The following GPATCH1 variants were observed in gnomAD, a reference collection of about 807,000 sequenced individuals.
GPATCH1 encodes G patch domain-containing protein 1.
Under a neutral mutation model 114.9 loss-of-function variants are expected in GPATCH1, and 73 were observed. That is an observed-to-expected ratio of 0.64 (90% CI 0.53 to 0.77). The LOEUF (loss-of-function observed/expected upper bound fraction) is 0.77. GPATCH1 is among the 30% of genes least tolerant of loss of function. GPATCH1 has a pLI of 0.00. For synonymous variants in GPATCH1, 391 were observed against 428.4 expected (o/e 0.91, Z 1.08); for missense variants, 1,058 against 1,144.3 (o/e 0.92, Z 1.09).
Position 33,096,331 on chromosome 19 carries a change from C to T in GPATCH1, c.737C>T (p.Ala246Val). 1 of 1,614,116 alleles carries T rather than the reference C, an allele frequency of 6.2e-7. No individual in the cohort carries two copies. Among genetic ancestry groups the T allele is most frequent in the South Asian group, 1.1e-5 (1 of 91,082 alleles). The change falls in exon 7 of 20, where the codon GCA (alanine) becomes GTA (valine). Residue 246 changes from alanine to valine, a missense_variant. By Grantham distance (64) the Ala-to-Val change is moderately conservative. Coordinates refer to ENST00000170564, the MANE Select transcript of GPATCH1 (RefSeq NM_018025.3). ...LAYKGLDPHQ[A>V]LFGTSGEHFN... The stretch of plus-strand genomic sequence containing the variant: ...TACAAGGGCCTGGATCCCCACCAGG[C>T]ACTGTTTGGAACTTCGGGAGAACAT...
rs1599856169 is a variant in GPATCH1 at position 33,099,629 on chromosome 19, C to T, written c.1000+1727C>T. Among the ~76,000 whole-genome samples the T allele has an allele frequency of 1.3e-5, 2 of 151,842 alleles. 1 individual carries two copies. ...ATTTTTTTTTTTTGAGACAGAGTCT[C>T]ACTCTGTCACCCAGGCTGGAGAGCA... On this transcript the variant is annotated intron_variant, in intron 8 of 19. Coordinates refer to ENST00000170564, the MANE Select transcript of GPATCH1 (RefSeq NM_018025.3).
chr19:33,129,195 C>T (rs563062016), intron 19 of GPATCH1, among the ~76,000 whole-genome samples: 2 of 151,116 alleles, frequency 1.3e-5, no homozygotes, highest in East Asian at 3.9e-4. Context: ...TGCAGTGAAC[C>T]GAGATCGCGC....
At chr19:33,082,694 A>G (rs2145295413) in intron 1 of GPATCH1, among the ~76,000 whole-genome samples, 1 of 152,284 alleles carries the variant, frequency 6.6e-6, no homozygotes, top group Admixed American at 6.5e-5. Context: ...ACAAACAAAC[A>G]AACGAAACAA....
intron 9 of GPATCH1, among the ~76,000 whole-genome samples, chr19:33,106,076 T>C (rs1410856802): frequency 1.3e-5 from 2 of 152,202 alleles, no homozygotes; most frequent in African/African-American, 2.4e-5. Flanking sequence ...CTTGAACTCC[T>C]GATCTCAGGT....
chr19:33,096,142 G>T (rs1487963505), intron 6 of GPATCH1, 65 bp from the exon 7 acceptor site: 2 of 1,531,126 alleles, frequency 1.3e-6, no homozygotes, highest in Non-Finnish European at 1.8e-6. Flanking sequence ...TTTTCAATTA[G>T]TATTTTGTGG....
intron 1 of GPATCH1, among the ~76,000 whole-genome samples, chr19:33,085,616 G>A (rs910783691): frequency 2.0e-5 from 3 of 152,172 alleles, no homozygotes; most frequent in African/African-American, 7.2e-5. Context: ...TCTCTGGCTT[G>A]GAGACAGAGC....
chr19:33,084,818 G>A (rs1284226113), intron 1 of GPATCH1, among the ~76,000 whole-genome samples: 3 of 152,078 alleles, frequency 2.0e-5, no homozygotes, highest in East Asian at 1.9e-4. Flanking sequence ...ATGCCACCAC[G>A]CCCGGCTAAT....
chr19:33,121,664 A>G (rs1429245667), intron 17 of GPATCH1, among the ~76,000 whole-genome samples: 6 of 152,146 alleles, frequency 3.9e-5, no homozygotes, highest in Non-Finnish European at 7.3e-5. Context: ...ATACAATAAA[A>G]TGGTCCTCTC....
chr19:33,085,651 T>C (rs561523047), intron 1 of GPATCH1, among the ~76,000 whole-genome samples: 3 of 152,290 alleles, frequency 2.0e-5, no homozygotes, highest in Admixed American at 2.0e-4. Flanking sequence ...ACCTTTGTGC[T>C]TATTAGCAGT....
In GPATCH1 at chr19:33,119,036, C is replaced by T. The variant is rs1972947014; in HGVS notation, c.2440C>T (p.Pro814Ser). 2.5e-6 allele frequency: 4 copies of T among 1,612,960 alleles called. No individual in the cohort carries two copies. The highest frequency in any genetic ancestry group is 1.1e-5 in the South Asian group (1 of 91,008). ...HALVPAPQEP[P>S]PSFPIQKMQI... ...TCTTGTGCCAGCACCCCAGGAGCCG[C>T]CACCTTCCTTCCCGATACAAAAGAT... Residue 814 changes from proline to serine, a missense_variant, in exon 17 of 20, where the codon CCA becomes TCA. Coordinates refer to ENST00000170564, the MANE Select transcript of GPATCH1 (RefSeq NM_018025.3).
chr19:33,101,228 A>C (rs1036450043), intron 8 of GPATCH1, among the ~76,000 whole-genome samples: 1 of 152,142 alleles, frequency 6.6e-6, no homozygotes, highest in Non-Finnish European at 1.5e-5. Flanking sequence ...AAATCACGTC[A>C]ATATGCTTGT....
chr19:33,113,786 C>T lies in GPATCH1; in HGVS notation c.1912C>T (p.Pro638Ser). 6.2e-7 allele frequency: 1 copy of T among 1,613,678 alleles called. No individual in the cohort carries two copies. ...PYPDSTLVGL[P>S]RVKRDKYSVF... Reference sequence around the variant, plus strand: ...TCCCAGTTCAACTTTAGTTGGCTTACCAAGAGTGAAGCGTGACAAGTACTC... The same window carrying T: ...TCCCAGTTCAACTTTAGTTGGCTTATCAAGAGTGAAGCGTGACAAGTACTC... The change falls in exon 14 of 20, where the codon CCA becomes TCA. Residue 638 changes from proline (P) to serine (S), a missense_variant. Pro to Ser is a moderately conservative substitution (Grantham distance 74). Coordinates refer to ENST00000170564, the MANE Select transcript of GPATCH1 (RefSeq NM_018025.3).
intron 1 of GPATCH1, among the ~76,000 whole-genome samples, chr19:33,085,554 G>C (rs1050573871): frequency 1.5e-4 from 23 of 152,106 alleles, no homozygotes; most frequent in African/African-American, 5.3e-4. Context: ...CCAACCAGGG[G>C]CTCGTTGAAA....
intron 15 of GPATCH1, among the ~76,000 whole-genome samples, chr19:33,115,087 G>A (rs1305127740): frequency 1.4e-5 from 2 of 145,382 alleles, no homozygotes; most frequent in African/African-American, 2.5e-5. Flanking sequence ...CTCTGACACC[G>A]GCTTTTACTC....
At chr19:33,110,528 T>C (rs1025999444) in intron 11 of GPATCH1, among the ~76,000 whole-genome samples, 1 of 152,194 alleles carries the variant, frequency 6.6e-6, no homozygotes. Context: ...GCAGTAGTCC[T>C]CGTGAGAGGT....
rs764761638 is a variant in GPATCH1 at position 33,125,131 on chromosome 19, C to A, written c.2548C>A (p.Gln850Lys). The change falls in exon 18 of 20, where the codon CAA (glutamine) becomes AAA (lysine). Residue 850 changes from glutamine (Q) to lysine (K), a missense_variant. By Grantham distance (53) the Gln-to-Lys change is moderately conservative (BLOSUM62 1). Transcript: ENST00000170564. ...TGCTCGTCAGACACTTGAGGTTCCT[C>A]AAAAAGAGAAACATAAAAAGAACAA... ...PNARQTLEVPQKEKHKKNKDK... is the reference protein window; with the variant it reads ...PNARQTLEVPKKEKHKKNKDK... 1.9e-6 allele frequency: 3 copies of A among 1,600,848 alleles called. No individual in the cohort carries two copies. The highest frequency in any genetic ancestry group is 4.5e-5 in the East Asian group (2 of 44,020).
chr19:33,111,944 T>G (rs935717565), intron 12 of GPATCH1, 42 bp downstream of exon 12: 26 of 1,469,126 alleles, frequency 1.8e-5, no homozygotes, highest in Non-Finnish European at 2.5e-5. Context: ...ACTTTAATAT[T>G]AAAGCACTGC....
intron 1 of GPATCH1, among the ~76,000 whole-genome samples, chr19:33,084,149 G>C (rs912429576): frequency 6.6e-6 from 1 of 152,218 alleles, no homozygotes; most frequent in Admixed American, 6.5e-5. Flanking sequence ...CACTCTGTCT[G>C]TATTTTACGA....
intron 1 of GPATCH1, among the ~76,000 whole-genome samples, chr19:33,084,851 G>C (rs1972519434): frequency 6.6e-6 from 1 of 151,676 alleles, no homozygotes; most frequent in Admixed American, 6.6e-5. Context: ...AGTAGAGGCG[G>C]GGTTTCACAA....
Sources: gnomAD v4.1 joint callset for allele counts (sites outside exome capture counted in the v4.1 genomes callset) on GRCh38, gnomAD v4.1.1 for gene constraint, MANE v1.5 for transcripts, NCBI Gene and HGNC (gene_info 2026-07-23, HGNC 2026-07-21) for gene names.